The following CTXND1 variants were observed in gnomAD, a reference collection of about 807,000 sequenced individuals.
The protein encoded by CTXND1 is cortexin domain containing 1.
chr15:80,218,584 TTTC>T (rs1195222291), intron 1 of CTXND1, among the ~76,000 whole-genome samples: 2 of 152,182 alleles, frequency 1.3e-5, no homozygotes, highest in Non-Finnish European at 2.9e-5. Flanking sequence ...AATGAATTGT[TTTC>T]TTATTATTTA....
chr15:80,240,813 T>C (rs71399405), intron 1 of CTXND1, among the ~76,000 whole-genome samples: 11,339 of 152,258 alleles, frequency 0.074, 538 homozygotes, highest in Middle Eastern at 0.11. Context: ...ATGAGGGATG[T>C]TATTTCCTTA....
chr15:80,237,950 A>C (rs1241693692), intron 1 of CTXND1, among the ~76,000 whole-genome samples: 1 of 143,372 alleles, frequency 7.0e-6, no homozygotes, highest in Non-Finnish European at 1.5e-5. Flanking sequence ...TGGATGTTGC[A>C]GTAAGCTGAG....
chr15:80,243,282 T>G (rs1187807319), intron 1 of CTXND1, among the ~76,000 whole-genome samples: 2 of 152,176 alleles, frequency 1.3e-5, no homozygotes, highest in Non-Finnish European at 2.9e-5. Flanking sequence ...CTACCAAGCC[T>G]GGGGTATGGT....
chr15:80,241,174 T>A (rs1171701120), intron 1 of CTXND1, among the ~76,000 whole-genome samples: 1 of 152,152 alleles, frequency 6.6e-6, no homozygotes, highest in Non-Finnish European at 1.5e-5. Context: ...GAGCTGTGTG[T>A]GCATCTGTGG....
At chr15:80,204,146 CAAAA>C (rs1173053524) in intron 1 of CTXND1, among the ~76,000 whole-genome samples, 8 of 2,146 alleles carry the variant, frequency 3.7e-3, no homozygotes, top group African/African-American at 9.3e-3. Context: ...GACTGTGTCT[CAAAA>C]AAAAAAAAAA....
intron 1 of CTXND1, among the ~76,000 whole-genome samples, chr15:80,230,851 A>C (rs1462160895): frequency 6.6e-6 from 1 of 152,092 alleles, no homozygotes; most frequent in Non-Finnish European, 1.5e-5. Context: ...TGAAGTCAGG[A>C]GTTTGAGACC....
At chr15:80,244,801 C>T (rs1204937746) in intron 1 of CTXND1, among the ~76,000 whole-genome samples, 2 of 152,158 alleles carry the variant, frequency 1.3e-5, no homozygotes, top group Non-Finnish European at 2.9e-5. Context: ...GCAAGTTCAG[C>T]CCCCTAACAC....
At chr15:80,203,094 C>A (rs1893104051) in intron 2 of CTXND1, among the ~76,000 whole-genome samples, 1 of 152,186 alleles carries the variant, frequency 6.6e-6, no homozygotes, top group Non-Finnish European at 1.5e-5. Flanking sequence ...TTTGAGTGAA[C>A]TGGGAGCTCG....
intron 1 of CTXND1, among the ~76,000 whole-genome samples, chr15:80,226,444 T>A (rs1428833885): frequency 1.3e-5 from 2 of 152,218 alleles, no homozygotes; most frequent in Non-Finnish European, 2.9e-5. Context: ...CGGCCCCAAG[T>A]TGTCCCTCCC....
intron 1 of CTXND1, among the ~76,000 whole-genome samples, chr15:80,210,865 C>T (rs566977485): frequency 2.5e-4 from 38 of 152,162 alleles, no homozygotes; most frequent in Non-Finnish European, 4.6e-4. Context: ...GGCCTGCAGA[C>T]GGCTGTCTTC....
intron 1 of CTXND1, among the ~76,000 whole-genome samples, chr15:80,220,355 C>G (rs945122317): frequency 5.3e-5 from 8 of 152,298 alleles, no homozygotes; most frequent in Middle Eastern, 3.4e-3. Context: ...AATGCCACTT[C>G]TAGTTTCCAT....
At chr15:80,240,922 G>A (rs1339352034) in intron 1 of CTXND1, among the ~76,000 whole-genome samples, 1 of 152,148 alleles carries the variant, frequency 6.6e-6, no homozygotes, top group Non-Finnish European at 1.5e-5. Context: ...TTTTCATCCT[G>A]CTCTGTGCCA....
At chr15:80,222,345 A>C (rs1383211930) in intron 1 of CTXND1, among the ~76,000 whole-genome samples, 1 of 152,104 alleles carries the variant, frequency 6.6e-6, no homozygotes, top group Non-Finnish European at 1.5e-5. Flanking sequence ...TTTTTGGAGT[A>C]TTTTGAAGCA....
At chr15:80,249,676 C>T (rs1893672575) in intron 1 of CTXND1, among the ~76,000 whole-genome samples, 1 of 152,082 alleles carries the variant, frequency 6.6e-6, no homozygotes, top group Non-Finnish European at 1.5e-5. Flanking sequence ...CTGATTTGTC[C>T]CCCACAAATG....
chr15:80,218,570 T>C (rs1185131432), intron 1 of CTXND1, among the ~76,000 whole-genome samples: 1 of 152,174 alleles, frequency 6.6e-6, no homozygotes, highest in African/African-American at 2.4e-5. Context: ...TTTCCTTGCT[T>C]TCCAATGAAT....
At chr15:80,220,931 C>A (rs553544116) in intron 1 of CTXND1, among the ~76,000 whole-genome samples, 2 of 144,892 alleles carry the variant, frequency 1.4e-5, no homozygotes, top group African/African-American at 5.0e-5. Flanking sequence ...TTTTTTGAGA[C>A]AGAGTCTCGC....
chr15:80,237,933 C>T (rs537353266), intron 1 of CTXND1, among the ~76,000 whole-genome samples: 2 of 135,884 alleles, frequency 1.5e-5, no homozygotes, highest in African/African-American at 5.7e-5. Context: ...CGCCTGAACC[C>T]AGGAGGTGGA....
chr15:80,202,207 GT>G (rs2041453927), intron 2 of CTXND1, among the ~76,000 whole-genome samples, 193 bp from the exon 3 acceptor site: 3 of 78,534 alleles, frequency 3.8e-5, no homozygotes, highest in Non-Finnish European at 7.5e-5. Context: ...AACCTTGTAG[GT>G]AAACCAGAGT....
rs147853829 is a variant in CTXND1 at position 80,244,190 on chromosome 15, C to T, written c.-218+7817G>A. Among the ~76,000 whole-genome samples, 22 of 152,346 alleles carry T rather than the reference C, an allele frequency of 1.4e-4. No homozygotes were observed. In the East Asian group the frequency reaches 2.7e-3, roughly 19 times the overall value. On this transcript the variant is annotated intron_variant, in intron 1 of 2. Coordinates refer to ENST00000560778, the MANE Select transcript of CTXND1 (RefSeq NM_001352888.2). ...AACTGTCTGCTTGTTTTCTGCTGAACGTAAGTAATCCTACTTATACTCTGC... is the reference window on the plus strand; with the variant it reads ...AACTGTCTGCTTGTTTTCTGCTGAATGTAAGTAATCCTACTTATACTCTGC...
Sources: gnomAD v4.1 joint callset for allele counts (sites outside exome capture counted in the v4.1 genomes callset) on GRCh38, gnomAD v4.1.1 for gene constraint, MANE v1.5 for transcripts, NCBI Gene and HGNC (gene_info 2026-07-23, HGNC 2026-07-21) for gene names.